The following CCDC171 variants were observed in gnomAD, a reference collection of about 807,000 sequenced individuals.
CCDC171 encodes coiled-coil domain-containing protein 171.
In CCDC171, 177 loss-of-function variants were observed where a neutral mutation model predicts 168.2. The observed-to-expected ratio is 1.05, with a 90% confidence interval of 0.93 to 1.19. CCDC171 has a LOEUF of 1.19. Among genes scored for constraint, CCDC171 ranks in the 50% most tolerant of loss-of-function variants. The probability of loss-of-function intolerance (pLI) is 0.00; values close to 1 mark genes in which losing one functional copy is unlikely to be tolerated. For synonymous variants in CCDC171, 687 were observed against 540.8 expected (o/e 1.27, Z -3.75); for missense variants, 1,991 against 1,539.0 (o/e 1.29, Z -4.91).
chr9:15,789,731 C>A (rs1482230888), intron 21 of CCDC171, among the ~76,000 whole-genome samples: 1 of 151,730 alleles, frequency 6.6e-6, no homozygotes, highest in Non-Finnish European at 1.5e-5. Flanking sequence ...AGGTATATCT[C>A]CTAACGCTAT....
At chr9:15,632,257 T>A in intron 7 of CCDC171, among the ~76,000 whole-genome samples, 1 of 150,050 alleles carries the variant, frequency 6.7e-6, no homozygotes, top group East Asian at 2.0e-4. Flanking sequence ...AACATGATTG[T>A]ATATCTAGAA....
intron 24 of CCDC171, among the ~76,000 whole-genome samples, chr9:15,914,743 C>T (rs1824250360): frequency 6.6e-6 from 1 of 152,038 alleles, no homozygotes; most frequent in African/African-American, 2.4e-5. Flanking sequence ...AATGGCCACC[C>T]AGTTTTGTGC....
chr9:15,927,276 C>G (rs906712270), intron 25 of CCDC171, among the ~76,000 whole-genome samples: 2 of 151,560 alleles, frequency 1.3e-5, no homozygotes, highest in African/African-American at 2.4e-5. Context: ...TGCTCCAGAG[C>G]TTTTATCTTG....
chr9:15,737,242 C>A (rs2054556426), intron 16 of CCDC171, among the ~76,000 whole-genome samples: 1 of 151,784 alleles, frequency 6.6e-6, no homozygotes, highest in African/African-American at 2.4e-5. Flanking sequence ...GTGGTAGTAA[C>A]AAAGAGGTAT....
intron 24 of CCDC171, chr9:15,885,998 A>G (rs974378628): frequency 1.3e-5 from 2 of 152,188 alleles, no homozygotes; most frequent in African/African-American, 4.8e-5. Context: ...CAGAGATCCT[A>G]ATTCTTTTCC....
chr9:16,075,225 T>A, the CCDC171 span, among the ~76,000 whole-genome samples: 1 of 152,190 alleles, frequency 6.6e-6, no homozygotes, highest in East Asian at 1.9e-4. Flanking sequence ...TTAGAGATCC[T>A]CATATTTCAG....
At chr9:15,884,164 C>T (rs1819074153) in intron 24 of CCDC171, among the ~76,000 whole-genome samples, 1 of 152,122 alleles carries the variant, frequency 6.6e-6, no homozygotes, top group African/African-American at 2.4e-5. Flanking sequence ...CCTAGAATCA[C>T]TATTTTCTGT....
In CCDC171 at chr9:15,777,683, G is replaced by C; in HGVS notation, c.2755G>C (p.Val919Leu). The C allele has an allele frequency of 1.2e-6, 2 of 1,613,912 alleles. No individual in the cohort carries two copies. The highest frequency in any genetic ancestry group is 1.7e-6 in the Non-Finnish European group (2 of 1,179,892). ...FAKLMDKISLVMECIPLHSSR... is the reference protein window; with the variant it reads ...FAKLMDKISLLMECIPLHSSR... ...AAAACTCATGGATAAAATTAGTCTG[G>C]TAATGGAATGTATACCTCTGCACAG... Residue 919 changes from valine (V) to leucine (L), a missense_variant, in exon 19 of 26, where the codon GTA becomes CTA. Physicochemically the swap from Val to Leu is conservative, Grantham distance 32. Transcript: ENST00000380701.
intron 11 of CCDC171, among the ~76,000 whole-genome samples, chr9:15,699,332 A>G (rs2051490514): frequency 6.6e-6 from 1 of 152,150 alleles, no homozygotes; most frequent in African/African-American, 2.4e-5. Flanking sequence ...GTTACAGCTC[A>G]TAAAAGCAGT....
the CCDC171 span, among the ~76,000 whole-genome samples, chr9:16,085,755 A>G: frequency 8.2e-4 from 125 of 152,280 alleles, 1 homozygote; most frequent in South Asian, 6.9e-3. Flanking sequence ...TTCATTCTTC[A>G]CTGCATGCAA....
At chr9:15,724,639 T>C (rs1426519420) in intron 13 of CCDC171, 137 bp from the exon 14 acceptor site, 1 of 602,650 alleles carries the variant, frequency 1.7e-6, no homozygotes, top group Non-Finnish European at 3.0e-6. Flanking sequence ...TATTTTAATG[T>C]AAACAAATGC....
chr9:15,662,611 C>A (rs1405574809), intron 8 of CCDC171, among the ~76,000 whole-genome samples: 2 of 152,098 alleles, frequency 1.3e-5, no homozygotes, highest in Non-Finnish European at 2.9e-5. Context: ...TGTGTAGTTT[C>A]ATTATTGTAT....
At chr9:15,951,124 C>G (rs1479378872) in intron 25 of CCDC171, among the ~76,000 whole-genome samples, 1 of 150,482 alleles carries the variant, frequency 6.6e-6, no homozygotes, top group African/African-American at 2.4e-5. Flanking sequence ...ATTCATAAAG[C>G]AAGTCCTGAG....
chr9:15,573,014 C>T (rs1587055013), intron 3 of CCDC171, among the ~76,000 whole-genome samples: 1 of 152,120 alleles, frequency 6.6e-6, no homozygotes, highest in South Asian at 2.1e-4. Flanking sequence ...CAAAAATCAG[C>T]TGGGCGTAGT....
intron 9 of CCDC171, 23 bp from the exon 10 acceptor site, chr9:15,678,735 G>A: frequency 6.4e-7 from 1 of 1,570,524 alleles, no homozygotes; most frequent in Non-Finnish European, 8.6e-7. Context: ...TGAAAAACCT[G>A]CTCTGACACT....
At chr9:16,070,837 T>G in the CCDC171 span, among the ~76,000 whole-genome samples, 1 of 152,202 alleles carries the variant, frequency 6.6e-6, no homozygotes, top group Non-Finnish European at 1.5e-5. Flanking sequence ...CGTTTTTATG[T>G]GGAAGTTGTG....
chr9:15,612,768 T>A (rs1306894387), intron 6 of CCDC171, among the ~76,000 whole-genome samples: 1 of 152,220 alleles, frequency 6.6e-6, no homozygotes, highest in Non-Finnish European at 1.5e-5. Context: ...TCTTTGCAAT[T>A]TCCTGATACT....
At chr9:15,979,297 T>C (rs1831719585) in intron 3 of CCDC171, among the ~76,000 whole-genome samples, 1 of 152,190 alleles carries the variant, frequency 6.6e-6, no homozygotes, top group Non-Finnish European at 1.5e-5. Flanking sequence ...CTTACCAAAT[T>C]GTCTCAGCTA....
At chr9:15,664,383 G>A (rs2048561451) in intron 8 of CCDC171, among the ~76,000 whole-genome samples, 1 of 152,064 alleles carries the variant, frequency 6.6e-6, no homozygotes, top group Admixed American at 6.6e-5. Flanking sequence ...CAAGTAGCCG[G>A]CATTACAAAC....
Sources: allele counts gnomAD v4.1 joint callset (sites outside exome capture counted in the v4.1 genomes callset), GRCh38; gene constraint gnomAD v4.1.1; transcripts MANE v1.5; gene names NCBI Gene and HGNC (gene_info 2026-07-23, HGNC 2026-07-21).